Variants in MAN1A2 observed in about 807,000 individuals in gnomAD.
MAN1A2 encodes mannosyl-oligosaccharide 1,2-alpha-mannosidase IB.
In MAN1A2, 26 loss-of-function variants were observed where a neutral mutation model predicts 75.7. The ratio of observed to expected loss-of-function variants is 0.34; its 90% CI spans 0.25 to 0.48. The LOEUF (loss-of-function observed/expected upper bound fraction) is 0.48. Ranked by LOEUF, MAN1A2 falls within the 20% of genes least tolerant of loss-of-function variation. The pLI, the probability that MAN1A2 is intolerant of heterozygous loss-of-function variation, is 0.99. For missense variants in MAN1A2, 562 were observed against 775.5 expected (o/e 0.72, Z 3.27); for synonymous variants, 247 against 264.6 (o/e 0.93, Z 0.65).
intron 12 of MAN1A2, among the ~76,000 whole-genome samples, chr1:117,507,604 T>A (rs780646741): frequency 2.2e-4 from 33 of 151,876 alleles, no homozygotes; most frequent in South Asian, 6.2e-4. Flanking sequence ...TGTTTATTTC[T>A]GAGTATTTTG....
intron 3 of MAN1A2, among the ~76,000 whole-genome samples, chr1:117,408,773 A>AT (rs34524856): frequency 0.78 from 117,204 of 150,572 alleles, 45,933 homozygotes; most frequent in African/African-American, 0.87. Context: ...TGCATCTGGA[A>AT]TTTTTTTTTT....
At chr1:117,498,051 A>G (rs1475287674) in intron 10 of MAN1A2, among the ~76,000 whole-genome samples, 1 of 151,912 alleles carries the variant, frequency 6.6e-6, no homozygotes, top group Admixed American at 6.6e-5. Flanking sequence ...TTCAGTTCTC[A>G]TTAACTAAAT....
At chr1:117,439,758 G>A (rs1648968629) in intron 5 of MAN1A2, among the ~76,000 whole-genome samples, 1 of 152,148 alleles carries the variant, frequency 6.6e-6, no homozygotes, top group South Asian at 2.1e-4. Flanking sequence ...GCCTCCCAAA[G>A]TGCTGGGATG....
At chr1:117,475,833 A>G (rs938785680) in intron 8 of MAN1A2, among the ~76,000 whole-genome samples, 1 of 152,172 alleles carries the variant, frequency 6.6e-6, no homozygotes, top group Non-Finnish European at 1.5e-5. Flanking sequence ...ATATGAGTGC[A>G]TGCATCTTTA....
intron 1 of MAN1A2, among the ~76,000 whole-genome samples, chr1:117,389,625 G>T (rs1286061512): frequency 6.6e-6 from 1 of 152,072 alleles, no homozygotes; most frequent in Non-Finnish European, 1.5e-5. Flanking sequence ...GTATACTGGG[G>T]TAGTGATTTT....
In MAN1A2 at chr1:117,523,051, C is replaced by A; in HGVS notation, c.*94C>A. 7.5e-7 allele frequency: 1 copy of A among 1,339,402 alleles called. No homozygotes were observed. The highest frequency in any genetic ancestry group is 1.1e-6 in the Non-Finnish European group (1 of 943,238). The allele number at this position is 1,339,402 out of a possible 1,614,324, so 83.0% of individuals were successfully genotyped here. ...AGGGGCGGCTTTTGAAAACCTGGAC[C>A]TCTATGTCAACATGACAGGGTGAAA... On this transcript the variant is annotated 3_prime_UTR_variant, in exon 13 of 13. Transcript: ENST00000356554.
At chr1:117,434,687 A>C (rs555183556) in intron 5 of MAN1A2, among the ~76,000 whole-genome samples, 2 of 151,902 alleles carry the variant, frequency 1.3e-5, no homozygotes, top group South Asian at 2.1e-4. Context: ...TTTAACGAGG[A>C]AAAATGTGCT....
intron 3 of MAN1A2, among the ~76,000 whole-genome samples, chr1:117,409,095 A>G (rs1354022981): frequency 6.6e-6 from 1 of 151,984 alleles, no homozygotes; most frequent in African/African-American, 2.4e-5. Context: ...GGGTTCATTG[A>G]TCTTTGTAAT....
At chr1:117,373,480 A>G (rs950199270) in intron 1 of MAN1A2, among the ~76,000 whole-genome samples, 1 of 110,322 alleles carries the variant, frequency 9.1e-6, no homozygotes, top group African/African-American at 3.6e-5. Flanking sequence ...CCTTTGCTGC[A>G]TTTGTTTTTT....
chr1:117,417,952 G>A (rs775543838), intron 4 of MAN1A2, among the ~76,000 whole-genome samples: 9 of 151,744 alleles, frequency 5.9e-5, no homozygotes, highest in Non-Finnish European at 8.8e-5. Context: ...AGGCTGAGGA[G>A]GGAGGATTGC....
At chr1:117,455,214 A>G (rs910322962) in intron 6 of MAN1A2, among the ~76,000 whole-genome samples, 1 of 152,184 alleles carries the variant, frequency 6.6e-6, no homozygotes, top group Non-Finnish European at 1.5e-5. Context: ...AATATGGGTG[A>G]ATCTCAAAGA....
At chr1:117,470,313 GA>G (rs1298085885) in intron 8 of MAN1A2, among the ~76,000 whole-genome samples, 1 of 152,088 alleles carries the variant, frequency 6.6e-6, no homozygotes, top group Non-Finnish European at 1.5e-5. Flanking sequence ...GGCTTTGGAT[GA>G]GAAGAAAGTG....
chr1:117,389,502 C>T (rs1428408153), intron 1 of MAN1A2, among the ~76,000 whole-genome samples: 10 of 152,172 alleles, frequency 6.6e-5, no homozygotes, highest in Non-Finnish European at 1.5e-4. Flanking sequence ...CACAGCTCAC[C>T]TCCTGCTTGC....
In MAN1A2 at chr1:117,526,880, C is replaced by CTCTCTCTATATATATA; in HGVS notation, c.*3924_*3925insCTCTCTATATATATAT. The CTCTCTCTATATATATA allele has an allele frequency of 1.6e-3, 86 of 54,496 alleles. No homozygotes were observed. Among genetic ancestry groups the CTCTCTCTATATATATA allele is most frequent in the Admixed American group, 3.1e-3 (13 of 4,170 alleles). 3.4% of individuals were successfully genotyped at this position (54,496 alleles called of 1,614,324 possible). A position where few individuals can be genotyped will look rare whatever the true frequency, so the allele number is the denominator to read the frequency against. ...TCTCTCTCTCTCTCTCTCTCTCTCTCTATATATATATATATATATATATAT... is the reference window on the plus strand; with the variant it reads ...TCTCTCTCTCTCTCTCTCTCTCTCTCTCTCTCTATATATATATATATATATATATATATATATATAT... On this transcript the variant is annotated 3_prime_UTR_variant, in exon 13 of 13. Coordinates refer to ENST00000356554, the MANE Select transcript of MAN1A2 (RefSeq NM_006699.5).
rs367918564 is a variant in MAN1A2, at chr1:117,368,324, C to T, written c.141C>T (p.Ile47=). ...TTCTCCTTATTCTTAGTGCCTTCATCACTCTGTGTTTTGGGGCATTCTTTT... is the reference window on the plus strand; with the variant it reads ...TTCTCCTTATTCTTAGTGCCTTCATTACTCTGTGTTTTGGGGCATTCTTTT... The part of the protein sequence containing the change: ...FILLLILSAF[I]TLCFGAFFFL... Residue 47 remains isoleucine, a synonymous_variant, in exon 1 of 13, where the codon ATC becomes ATT. Transcript: ENST00000356554. 2.5e-6 allele frequency: 4 copies of T among 1,614,006 alleles called. No homozygotes were observed. Among genetic ancestry groups the T allele is most frequent in the African/African-American group, 1.3e-5 (1 of 74,888 alleles).
At chr1:117,439,497 A>AC (rs991680343) in intron 5 of MAN1A2, among the ~76,000 whole-genome samples, 1 of 147,200 alleles carries the variant, frequency 6.8e-6, no homozygotes, top group Admixed American at 6.7e-5. Flanking sequence ...GTGTTGTCTT[A>AC]CTTTTTTTTT....
intron 12 of MAN1A2, chr1:117,514,937 C>T (rs1261023683): frequency 9.4e-6 from 5 of 529,612 alleles, no homozygotes; most frequent in African/African-American, 5.8e-5. Context: ...TGCTCACTTA[C>T]TCCTGGAGAC....
chr1:117,476,439 A>G (rs183730372), intron 8 of MAN1A2, among the ~76,000 whole-genome samples: 2 of 152,060 alleles, frequency 1.3e-5, no homozygotes, highest in Non-Finnish European at 2.9e-5. Context: ...GTCCATGCCT[A>G]TGTCCTGAAT....
chr1:117,482,015 G>A (rs1482151363), intron 8 of MAN1A2, among the ~76,000 whole-genome samples: 3 of 151,828 alleles, frequency 2.0e-5, no homozygotes, highest in Non-Finnish European at 4.4e-5. Flanking sequence ...TCAGCAATTA[G>A]CAAACTATGG....
Sources: gnomAD v4.1 joint callset for allele counts (sites outside exome capture counted in the v4.1 genomes callset) on GRCh38, gnomAD v4.1.1 for gene constraint, MANE v1.5 for transcripts, NCBI Gene and HGNC (gene_info 2026-07-23, HGNC 2026-07-21) for gene names.